FHIT: variants seen among roughly 807,000 people sequenced by gnomAD.
FHIT encodes bis(5'-adenosyl)-triphosphatase.
FHIT carries 19 observed loss-of-function variants against 17.9 expected under a neutral mutation model. That is an observed-to-expected ratio of 1.06 (90% CI 0.74 to 1.56). FHIT has a LOEUF of 1.56. Ranked by LOEUF, FHIT falls within the 40% of genes most tolerant of loss-of-function variation. The pLI is 0.00. For missense variants in FHIT, 248 were observed against 189.2 expected, an observed-to-expected ratio of 1.31 and a Z score of -1.82; for synonymous variants, 81 against 69.7, an observed-to-expected ratio of 1.16 and a Z score of -0.81.
intron 5 of FHIT, among the ~76,000 whole-genome samples, chr3:60,494,483 C>T (rs752642348): frequency 1.3e-5 from 2 of 152,116 alleles, no homozygotes; most frequent in African/African-American, 2.4e-5. Flanking sequence ...TCAAATTATA[C>T]TCTTAGTTAT....
Position 60,090,754 on chromosome 3 carries a change from A to T in FHIT, c.104-76602T>A, listed in dbSNP as rs553346886. 2.6e-5 allele frequency among the ~76,000 whole-genome samples: 4 copies of T among 152,264 alleles called. No individual in the cohort carries two copies. The South Asian group carries it at 8.3e-4, about 32-fold the overall frequency. On this transcript the variant is annotated intron_variant, in intron 5 of 9. Transcript: ENST00000492590. The stretch of plus-strand genomic sequence containing the variant: ...GTTCAGAGTGTACCTGCCACCAGTC[A>T]GGCCACACAGACTTTGGGTGAAACA...
intron 5 of FHIT, among the ~76,000 whole-genome samples, chr3:60,443,572 C>T (rs1240822255): frequency 6.6e-6 from 1 of 152,118 alleles, no homozygotes; most frequent in Non-Finnish European, 1.5e-5. Context: ...TGATGGATTA[C>T]ATTTATTGAT....
chr3:60,457,698 T>C (rs1211859730), intron 5 of FHIT, among the ~76,000 whole-genome samples: 1 of 150,934 alleles, frequency 6.6e-6, no homozygotes, highest in Admixed American at 6.7e-5. Flanking sequence ...AAAGGGCTAA[T>C]ATCCAGAATC....
chr3:60,520,313 G>T (rs985201627), intron 5 of FHIT, among the ~76,000 whole-genome samples: 1 of 151,720 alleles, frequency 6.6e-6, no homozygotes, highest in Non-Finnish European at 1.5e-5. Context: ...CACAGAAGTG[G>T]ACCCACACAT....
intron 5 of FHIT, among the ~76,000 whole-genome samples, chr3:60,215,466 G>A (rs762976138): frequency 6.6e-6 from 1 of 152,118 alleles, no homozygotes; most frequent in Non-Finnish European, 1.5e-5. Flanking sequence ...GGGAGGCTAA[G>A]GCAGGAGAAT....
intron 7 of FHIT, among the ~76,000 whole-genome samples, chr3:59,995,471 A>T (rs1699467502): frequency 6.6e-6 from 1 of 152,134 alleles, no homozygotes; most frequent in Non-Finnish European, 1.5e-5. Context: ...TGGCTTATCA[A>T]CACATCTGGT....
chr3:60,213,366 C>T (rs974664389), intron 5 of FHIT, among the ~76,000 whole-genome samples: 1 of 152,166 alleles, frequency 6.6e-6, no homozygotes, highest in Non-Finnish European at 1.5e-5. Context: ...CGTCTCTCTA[C>T]ATAGATCAGA....
At chr3:60,716,709 C>G (rs565192377) in intron 4 of FHIT, among the ~76,000 whole-genome samples, 5 of 152,332 alleles carry the variant, frequency 3.3e-5, no homozygotes, top group Admixed American at 1.3e-4. Flanking sequence ...TTATCATTAT[C>G]AAGTATTATG....
intron 5 of FHIT, among the ~76,000 whole-genome samples, chr3:60,456,334 C>T (rs2032091734): frequency 6.6e-6 from 1 of 152,156 alleles, no homozygotes; most frequent in Admixed American, 6.5e-5. Context: ...TATTTCACAC[C>T]TACTCTGCCA....
intron 3 of FHIT, among the ~76,000 whole-genome samples, chr3:60,865,403 TG>T (rs1467335550): frequency 1.3e-5 from 2 of 152,194 alleles, no homozygotes; most frequent in African/African-American, 4.8e-5. Context: ...ACATGTCCAT[TG>T]TTGCAGGAAT....
At chr3:60,607,385 C>T (rs1488854918) in intron 4 of FHIT, among the ~76,000 whole-genome samples, 1 of 151,712 alleles carries the variant, frequency 6.6e-6, no homozygotes, top group South Asian at 2.1e-4. Context: ...TTATTACTTG[C>T]AAGGGTTGGC....
chr3:60,961,580 T>C (rs557268379), intron 3 of FHIT, among the ~76,000 whole-genome samples: 1 of 152,234 alleles, frequency 6.6e-6, no homozygotes, highest in Non-Finnish European at 1.5e-5. Flanking sequence ...TTTAAGTCTT[T>C]AATCCACCTT....
intron 5 of FHIT, among the ~76,000 whole-genome samples, chr3:60,425,387 A>G (rs1014287396): frequency 6.6e-6 from 1 of 152,118 alleles, no homozygotes; most frequent in Non-Finnish European, 1.5e-5. Context: ...AGTAAATTCT[A>G]CTCAACTCCA....
chr3:60,194,120 C>T (rs958860778), intron 5 of FHIT, among the ~76,000 whole-genome samples: 6 of 152,052 alleles, frequency 3.9e-5, no homozygotes, highest in African/African-American at 1.2e-4. Flanking sequence ...CCAAAAAGAG[C>T]CCAAATAGCC....
At chr3:60,029,411 G>C (rs942351575) in intron 5 of FHIT, among the ~76,000 whole-genome samples, 5 of 152,188 alleles carry the variant, frequency 3.3e-5, no homozygotes, top group African/African-American at 7.2e-5. Context: ...CCAAGAACTA[G>C]TGTCATATGT....
chr3:60,566,211 T>G (rs557274077), intron 4 of FHIT, among the ~76,000 whole-genome samples: 3 of 152,094 alleles, frequency 2.0e-5, no homozygotes, highest in Non-Finnish European at 4.4e-5. Context: ...TGCGGTGCGG[T>G]GCTGAGAAGA....
intron 4 of FHIT, among the ~76,000 whole-genome samples, chr3:60,683,711 A>T (rs2040802603): frequency 6.6e-6 from 1 of 152,170 alleles, no homozygotes; most frequent in South Asian, 2.1e-4. Context: ...TTTAAGTCTC[A>T]GTGTGACATT....
intron 3 of FHIT, among the ~76,000 whole-genome samples, chr3:60,927,136 A>G (rs1238796731): frequency 6.6e-6 from 1 of 152,056 alleles, no homozygotes; most frequent in Non-Finnish European, 1.5e-5. Context: ...AGTGCCTGGG[A>G]TTGCAGGCGT....
At chr3:60,336,981 G>A (rs1710273441) in intron 5 of FHIT, among the ~76,000 whole-genome samples, 1 of 151,842 alleles carries the variant, frequency 6.6e-6, no homozygotes, top group African/African-American at 2.4e-5. Context: ...AAAATCAGTG[G>A]ACAGAAATTT....
Sources: gnomAD v4.1 joint callset for allele counts (sites outside exome capture counted in the v4.1 genomes callset) on GRCh38, gnomAD v4.1.1 for gene constraint, MANE v1.5 for transcripts, NCBI Gene and HGNC (gene_info 2026-07-23, HGNC 2026-07-21) for gene names.